Variants in LAMB4 observed in about 807,000 individuals in gnomAD.
LAMB4 encodes laminin subunit beta 4.
LAMB4 carries 196 observed loss-of-function variants against 199.2 expected under a neutral mutation model. The ratio of observed to expected loss-of-function variants is 0.98; its 90% CI spans 0.88 to 1.11. The LOEUF is 1.11. Ranked by LOEUF, LAMB4 falls within the 50% of genes least tolerant of loss-of-function variation. The pLI, the probability that LAMB4 is intolerant of heterozygous loss-of-function variation, is 0.00. For missense variants in LAMB4, 2,080 were observed against 2,171.2 expected (o/e 0.96, Z 0.83); for synonymous variants, 744 against 770.6 (o/e 0.97, Z 0.57).
chr7:108,109,238 T>A lies in LAMB4; in HGVS notation c.335A>T (p.Asp112Val), dbSNP rs188861567. The change falls in exon 5 of 34, where the codon GAT (aspartate) becomes GTT (valine). Residue 112 changes from aspartate to valine, a missense_variant. Asp to Val is a radical substitution (Grantham distance 152, BLOSUM62 -3). Coordinates refer to ENST00000388781, the MANE Select transcript of LAMB4 (RefSeq NM_007356.3). ...TAAGTCCAGTCTGATGCTGACATGA[T>A]CAAGACCTAAGGAAGAATCCAGAAA... is the stretch of plus-strand genomic sequence containing the variant. Reference protein sequence around the residue: ...KKWWQSENGLDHVSIRLDLEA... With the variant: ...KKWWQSENGLVHVSIRLDLEA... 2 of 1,611,676 alleles carry A rather than the reference T, an allele frequency of 1.2e-6. No individual in the cohort carries two copies. Among genetic ancestry groups the A allele is most frequent in the Admixed American group, 1.7e-5 (1 of 60,010 alleles).
At position 108,127,306 on chromosome 7, in the gene LAMB4, G is replaced by A. The variant is rs577135223; in HGVS notation, c.-34+3000C>T. Among the ~76,000 whole-genome samples, 235 of 150,936 alleles carry A rather than the reference G, an allele frequency of 1.6e-3. 1 individual carries two copies. Among genetic ancestry groups the A allele is most frequent in the Non-Finnish European group, 2.8e-3 (192 of 67,876 alleles). On this transcript the variant is annotated intron_variant, in intron 1 of 33. Transcript: ENST00000388781. Reference sequence around the variant, plus strand: ...TTTAAAGATTCCAGGTGAGTCCAATGGGCAGCAAAATTTGAGACCCACTGC... The same window carrying A: ...TTTAAAGATTCCAGGTGAGTCCAATAGGCAGCAAAATTTGAGACCCACTGC...
At chr7:108,044,357 C>A (rs1467832679) in intron 28 of LAMB4, 2 of 152,820 alleles carry the variant, frequency 1.3e-5, no homozygotes, top group Non-Finnish European at 2.9e-5. Flanking sequence ...TGAAAACTAA[C>A]AAAAAAGCAT....
Position 108,023,980 on chromosome 7 carries a change from A to G in LAMB4, c.*59T>C. On this transcript the variant is annotated 3_prime_UTR_variant, in exon 34 of 34. Coordinates refer to ENST00000388781, the MANE Select transcript of LAMB4 (RefSeq NM_007356.3). ...TATTTCACAGGTTCAACAGAGCCCC[A>G]GGGGCTTGTACATCAGAAACCAGAA... is the stretch of plus-strand genomic sequence containing the variant. 6.8e-7 allele frequency: 1 copy of G among 1,468,120 alleles called. No individual in the cohort carries two copies. The highest frequency in any genetic ancestry group is 9.2e-7 in the Non-Finnish European group (1 of 1,090,396). 90.9% of individuals were successfully genotyped at this position (1,468,120 alleles called of 1,614,324 possible). A position where few individuals can be genotyped will look rare whatever the true frequency, so the allele number is the denominator to read the frequency against.
At chr7:108,129,307 G>A (rs1198488610) in intron 1 of LAMB4, among the ~76,000 whole-genome samples, 1 of 152,046 alleles carries the variant, frequency 6.6e-6, no homozygotes, top group Admixed American at 6.6e-5. Context: ...TCTGCAAATT[G>A]GACAGTAATT....
intron 29 of LAMB4, among the ~76,000 whole-genome samples, chr7:108,040,470 G>A (rs2035383663): frequency 1.3e-5 from 2 of 152,156 alleles, no homozygotes; most frequent in Non-Finnish European, 2.9e-5. Flanking sequence ...TAAGCAAAAT[G>A]AACACAGCTA....
At chr7:108,066,629 A>G (rs2036352741) in intron 19 of LAMB4, 29 bp from the exon 20 acceptor site, 1 of 1,420,114 alleles carries the variant, frequency 7.0e-7, no homozygotes, top group Non-Finnish European at 9.8e-7. Context: ...AGTATGCTGG[A>G]GCGGGGATGA....
the LAMB4 span, among the ~76,000 whole-genome samples, chr7:108,013,084 G>A: frequency 6.6e-6 from 1 of 152,244 alleles, no homozygotes; most frequent in Non-Finnish European, 1.5e-5. Context: ...CCCAGCACTA[G>A]CACATCTCAG....
rs539725587 is a variant in LAMB4 at position 108,036,407 on chromosome 7, C to T, written c.4679+981G>A. On this transcript the variant is annotated intron_variant, in intron 30 of 33. Transcript: ENST00000388781. The stretch of plus-strand genomic sequence containing the variant: ...TTCTCCCTGTTGGTCAGGCTGGTCT[C>T]GAATTCCTGACCGCAGGTGATCTGC... Among the ~76,000 whole-genome samples, 13 of 152,224 alleles carry T rather than the reference C, an allele frequency of 8.5e-5. No homozygotes were observed. In the South Asian group the frequency reaches 1.7e-3, roughly 19 times the overall value.
chr7:108,051,200 G>A (rs2035816064), intron 26 of LAMB4, among the ~76,000 whole-genome samples: 1 of 152,120 alleles, frequency 6.6e-6, no homozygotes, highest in Non-Finnish European at 1.5e-5. Context: ...TCATTACATG[G>A]CATTTATTGA....
chr7:108,036,155 G>A (rs2150496939), intron 30 of LAMB4, among the ~76,000 whole-genome samples: 1 of 151,676 alleles, frequency 6.6e-6, no homozygotes, highest in South Asian at 2.1e-4. Context: ...GCTTCCCCCA[G>A]CCCATCAGTA....
In LAMB4 at chr7:108,107,791, T is replaced by A; in HGVS notation, c.431A>T (p.Glu144Val). 6.3e-7 allele frequency: 1 copy of A among 1,599,100 alleles called. No homozygotes were observed. The highest frequency in any genetic ancestry group is 8.5e-7 in the Non-Finnish European group (1 of 1,176,310). The change falls in exon 6 of 34, where the codon GAA (glutamate) becomes GTA (valine). Residue 144 changes from glutamate (E) to valine (V), a missense_variant. Physicochemically the swap from Glu to Val is moderately radical, Grantham distance 121 (BLOSUM62 -2). Transcript: ENST00000388781. ...GTTGTGTCCATAGTCTGTGGAACGT[T>A]CAACTAACATTGCAGCAGGCCGAAA... ...KTFRPAAMLV[E>V]RSTDYGHNWK...
rs2036342342 is a variant in LAMB4, at chr7:108,066,394, A to G, written c.2653T>C (p.Phe885Leu). ...CTTTCACAGTTTCTGCCAGTTGTAA[A>G]GCCTCCACAATTGAAGCATGACCCT... ...ETGSCFNCGG[F>L]TTGRNCERCI... The change falls in exon 20 of 34, where the codon TTT (phenylalanine) becomes CTT (leucine). Residue 885 changes from phenylalanine to leucine, a missense_variant. Transcript: ENST00000388781. The G allele has an allele frequency of 6.2e-7, 1 of 1,614,118 alleles. No homozygotes were observed. The highest frequency in any genetic ancestry group is 8.5e-7 in the Non-Finnish European group (1 of 1,179,950).
intron 22 of LAMB4, 58 bp downstream of exon 22, chr7:108,063,703 A>AGTGTG: frequency 7.0e-7 from 1 of 1,418,912 alleles, no homozygotes; most frequent in Non-Finnish European, 1.0e-6. Flanking sequence ...AGCTGACAAC[A>AGTGTG]CACTTATGAG....
intron 20 of LAMB4, 50 bp downstream of exon 20, chr7:108,066,319 G>T: frequency 7.4e-7 from 1 of 1,342,550 alleles, no homozygotes; most frequent in Non-Finnish European, 1.1e-6. Context: ...TTAGGAGATT[G>T]GAACAAAGTG....
intron 13 of LAMB4, 78 bp from the exon 14 acceptor site, chr7:108,091,854 T>A: frequency 1.4e-6 from 2 of 1,422,002 alleles, no homozygotes; most frequent in Non-Finnish European, 1.9e-6. Flanking sequence ...GCTGGGCTAA[T>A]GCTCCCTGAG....
At chr7:108,116,276 G>A in intron 2 of LAMB4, 115 bp from the exon 3 acceptor site, 2 of 1,013,104 alleles carry the variant, frequency 2.0e-6, no homozygotes, top group Non-Finnish European at 2.8e-6. Flanking sequence ...GGCCAAAGAT[G>A]TATCAGACTT....
chr7:108,025,991 A>G (rs2034823756), intron 33 of LAMB4, among the ~76,000 whole-genome samples: 1 of 152,132 alleles, frequency 6.6e-6, no homozygotes, highest in Admixed American at 6.5e-5. Flanking sequence ...GGATAGGAGG[A>G]TGAGCAGTCT....
intron 33 of LAMB4, among the ~76,000 whole-genome samples, chr7:108,024,969 G>A (rs963336785): frequency 6.6e-6 from 1 of 152,306 alleles, no homozygotes; most frequent in African/African-American, 2.4e-5. Flanking sequence ...TCTAGAAGAG[G>A]GAAGGTAAAT....
chr7:108,053,974 G>A (rs2035903235), intron 25 of LAMB4, among the ~76,000 whole-genome samples: 1 of 152,182 alleles, frequency 6.6e-6, no homozygotes, highest in Non-Finnish European at 1.5e-5. Flanking sequence ...CTTGAAAATT[G>A]AGGAGATCTG....
Sources: allele counts gnomAD v4.1 joint callset (sites outside exome capture counted in the v4.1 genomes callset), GRCh38; gene constraint gnomAD v4.1.1; transcripts MANE v1.5; gene names NCBI Gene and HGNC (gene_info 2026-07-23, HGNC 2026-07-21).